DSCAM: variants seen among roughly 807,000 people sequenced by gnomAD.
The protein encoded by DSCAM is DS cell adhesion molecule.
Under a neutral mutation model 217.7 loss-of-function variants are expected in DSCAM, and 47 were observed. That is an observed-to-expected ratio of 0.22 (90% CI 0.17 to 0.28). DSCAM has a LOEUF of 0.28. DSCAM is among the 10% of genes least tolerant of loss of function. The probability of loss-of-function intolerance (pLI) is 1.00; values close to 1 mark genes in which losing one functional copy is unlikely to be tolerated. For synonymous variants in DSCAM, 1,056 were observed against 1,015.3 expected, an observed-to-expected ratio of 1.04 and a Z score of -0.76; for missense variants, 2,080 against 2,618.3, an observed-to-expected ratio of 0.79 and a Z score of 4.49.
chr21:40,137,616 C>T (rs551911726), intron 18 of DSCAM, among the ~76,000 whole-genome samples: 3,054 of 117,790 alleles, frequency 0.026, 53 homozygotes, highest in Admixed American at 0.04. Flanking sequence ...CACACACACA[C>T]ACACACACAC....
In DSCAM at chr21:40,042,671, G is replaced by T. The variant is rs758281162; in HGVS notation, c.5386C>A (p.Arg1796=). Residue 1796 remains arginine, a splice_region_variant and synonymous_variant, in exon 32 of 33, where the codon CGA becomes AGA. Transcript: ENST00000400454. ...GTGGAGACCATGCTGCTTCTTGCTC[G>T]ATCTACACCAGGAAAGAGAAAAACA... ...YSVSPSQDTD[R]ARSSMVSTES... 37 of 1,602,474 alleles carry T rather than the reference G, an allele frequency of 2.3e-5. No individual in the cohort carries two copies. The highest frequency in any genetic ancestry group is 2.8e-5 in the Non-Finnish European group (33 of 1,175,568).
At chr21:40,761,141 A>C (rs1197569903) in intron 1 of DSCAM, among the ~76,000 whole-genome samples, 1 of 152,218 alleles carries the variant, frequency 6.6e-6, no homozygotes, top group Non-Finnish European at 1.5e-5. Context: ...GGCTGCATCC[A>C]TGATCCTTCC....
chr21:40,262,052 G>A (rs56688733), intron 11 of DSCAM, among the ~76,000 whole-genome samples: 12,336 of 150,504 alleles, frequency 0.082, 1,172 homozygotes, highest in East Asian at 0.22. Context: ...TCTCCCTCTC[G>A]CTTTCTTTCT....
At chr21:40,615,876 G>C in intron 3 of DSCAM, among the ~76,000 whole-genome samples, 1 of 151,900 alleles carries the variant, frequency 6.6e-6, no homozygotes, top group East Asian at 1.9e-4. Flanking sequence ...TAAAGGCCAC[G>C]GGCAGATAAT....
intron 4 of DSCAM, among the ~76,000 whole-genome samples, chr21:40,364,692 A>G (rs983447322): frequency 8.5e-4 from 30 of 35,216 alleles, no homozygotes; most frequent in African/African-American, 1.9e-3. Context: ...AAAAAAGTGT[A>G]TATATATATA....
At chr21:40,567,601 T>C (rs9974879) in intron 3 of DSCAM, among the ~76,000 whole-genome samples, 72,366 of 151,916 alleles carry the variant, frequency 0.48, 17,541 homozygotes, top group Admixed American at 0.56. Context: ...ACGCCCCAAA[T>C]GCCCCTCCTC....
chr21:40,674,722 T>TC (rs373097585), intron 3 of DSCAM, among the ~76,000 whole-genome samples: 2,050 of 142,246 alleles, frequency 0.014, 54 homozygotes, highest in African/African-American at 0.05. Context: ...AAGCTCCGCC[T>TC]CCCAGGTTCA....
intron 4 of DSCAM, among the ~76,000 whole-genome samples, chr21:40,367,244 T>C (rs918527173): frequency 6.6e-5 from 10 of 152,180 alleles, no homozygotes; most frequent in African/African-American, 2.4e-4. Flanking sequence ...GTTGGTTATT[T>C]GCAGTTTTCT....
intron 1 of DSCAM, among the ~76,000 whole-genome samples, chr21:40,766,250 T>A (rs1418996524): frequency 6.6e-6 from 1 of 152,056 alleles, no homozygotes; most frequent in Admixed American, 6.6e-5. Flanking sequence ...GATTACAAAG[T>A]AAGTTGAAAT....
intron 1 of DSCAM, among the ~76,000 whole-genome samples, chr21:40,768,141 TCATTA>T (rs1367819188): frequency 2.0e-5 from 3 of 152,186 alleles, no homozygotes; most frequent in African/African-American, 7.2e-5. Context: ...GGCTATAACT[TCATTA>T]AAGAAAACAT....
intron 1 of DSCAM, among the ~76,000 whole-genome samples, chr21:40,780,425 A>ATATATATATATATATATATG (rs1555888060): frequency 0.011 from 689 of 61,138 alleles, 14 homozygotes; most frequent in African/African-American, 0.062. Context: ...GTGTGTGTGT[A>ATATATATATATATATATATG]TATATATATA....
chr21:40,478,063 G>A (rs1167912331), intron 3 of DSCAM, among the ~76,000 whole-genome samples: 1 of 152,070 alleles, frequency 6.6e-6, no homozygotes, highest in African/African-American at 2.4e-5. Flanking sequence ...GGATAGGTTC[G>A]TTTTGCCTGT....
chr21:40,029,740 T>C (rs1214966496), intron 32 of DSCAM, among the ~76,000 whole-genome samples: 1 of 152,154 alleles, frequency 6.6e-6, no homozygotes, highest in Non-Finnish European at 1.5e-5. Context: ...GTATCTGTCA[T>C]GTTGGCTCTG....
Position 40,013,233 on chromosome 21 carries a change from G to A in DSCAM, c.5840C>T (p.Pro1947Leu), listed in dbSNP as rs2088094398. Residue 1947 changes from proline (P) to leucine (L), a missense_variant, in exon 33 of 33, where the codon CCG (proline) becomes CTG (leucine). This residue lies in a region of DSCAM where 145 missense variants were observed against 138.5 expected (regional missense o/e 1.05). Transcript: ENST00000400454. ...LKRPTVLEPI[P>L]MEAASSASST... The stretch of plus-strand genomic sequence containing the variant: ...GGAGGCGGAGGAGGCGGCTTCCATC[G>A]GGATGGGCTCCAGGACCGTGGGGCG... The A allele has an allele frequency of 6.2e-7, 1 of 1,613,722 alleles. No individual in the cohort carries two copies. Among genetic ancestry groups the A allele is most frequent in the Admixed American group, 1.7e-5 (1 of 59,966 alleles).
chr21:40,727,636 T>A (rs1415617999), intron 1 of DSCAM, among the ~76,000 whole-genome samples: 1 of 152,042 alleles, frequency 6.6e-6, no homozygotes, highest in Non-Finnish European at 1.5e-5. Flanking sequence ...CCTGGTCCAA[T>A]CCACCATCAC....
intron 11 of DSCAM, among the ~76,000 whole-genome samples, chr21:40,238,986 G>GTATCA (rs953011252): frequency 2.6e-5 from 4 of 152,162 alleles, no homozygotes; most frequent in African/African-American, 9.7e-5. Flanking sequence ...AGCATCATGT[G>GTATCA]TATCATTCAC....
chr21:40,358,668 G>T (rs962769997), intron 4 of DSCAM, among the ~76,000 whole-genome samples: 1 of 151,922 alleles, frequency 6.6e-6, no homozygotes, highest in Admixed American at 6.6e-5. Context: ...TTAGCCAGGT[G>T]TGGTGGCATG....
intron 11 of DSCAM, among the ~76,000 whole-genome samples, chr21:40,234,399 G>C (rs8132437): frequency 0.48 from 72,953 of 152,034 alleles, 18,424 homozygotes; most frequent in African/African-American, 0.64. Flanking sequence ...CTGATGCAAG[G>C]ATAAATGAGA....
At chr21:40,693,579 C>T (rs1427361363) in intron 2 of DSCAM, among the ~76,000 whole-genome samples, 2 of 150,916 alleles carry the variant, frequency 1.3e-5, no homozygotes, top group Admixed American at 6.6e-5. Context: ...CTCTAAGGGC[C>T]GAGGAAGATT....
Sources: gnomAD v4.1 joint callset for allele counts (sites outside exome capture counted in the v4.1 genomes callset) on GRCh38, gnomAD v4.1.1 for gene constraint, gnomAD v4.1.1 regional missense constraint, MANE v1.5 for transcripts, NCBI Gene and HGNC (gene_info 2026-07-23, HGNC 2026-07-21) for gene names.